The following TENM3 variants were observed in gnomAD, a reference collection of about 807,000 sequenced individuals.
TENM3 encodes teneurin-3.
In TENM3, 63 loss-of-function variants were observed where a neutral mutation model predicts 255.1. The ratio of observed to expected loss-of-function variants is 0.25; its 90% CI spans 0.20 to 0.30. The LOEUF is 0.30. Among genes scored for constraint, TENM3 ranks in the 10% least tolerant of loss-of-function variants. TENM3 has a pLI of 1.00. For synonymous variants in TENM3, 1,306 were observed against 1,322.3 expected (o/e 0.99, Z 0.27); for missense variants, 2,929 against 3,461.1 (o/e 0.85, Z 3.86).
the TENM3 span, among the ~76,000 whole-genome samples, chr4:182,054,430 A>C: frequency 2.0e-5 from 3 of 152,198 alleles, no homozygotes; most frequent in African/African-American, 7.2e-5. Context: ...ATAGTTACCA[A>C]GTGTGACGTA....
the TENM3 span, among the ~76,000 whole-genome samples, chr4:181,934,351 TG>T: frequency 6.6e-6 from 1 of 152,218 alleles, no homozygotes; most frequent in Non-Finnish European, 1.5e-5. Flanking sequence ...TGCTCAGCAA[TG>T]GGTTTCATTT....
At chr4:182,794,229 G>A (rs1053441398) in intron 26 of TENM3, among the ~76,000 whole-genome samples, 1 of 152,166 alleles carries the variant, frequency 6.6e-6, no homozygotes, top group African/African-American at 2.4e-5. Flanking sequence ...CCCACAAGTT[G>A]TGTAGCTCTG....
At chr4:182,368,751 A>G (rs1284949028) in intron 3 of TENM3, among the ~76,000 whole-genome samples, 1 of 152,178 alleles carries the variant, frequency 6.6e-6, no homozygotes, top group Non-Finnish European at 1.5e-5. Flanking sequence ...GCCCACGTAT[A>G]TACCCACGAG....
intron 22 of TENM3, among the ~76,000 whole-genome samples, chr4:182,772,770 A>AC (rs946438724): frequency 6.6e-6 from 1 of 152,166 alleles, no homozygotes; most frequent in African/African-American, 2.4e-5. Flanking sequence ...GTAAAAAAAA[A>AC]ACAAATAATC....
At chr4:182,196,616 T>G (rs1205436490) in intron 1 of TENM3, among the ~76,000 whole-genome samples, 1 of 152,114 alleles carries the variant, frequency 6.6e-6, no homozygotes, top group Non-Finnish European at 1.5e-5. Flanking sequence ...AGCCCTCGGG[T>G]GTAGTAATGT....
chr4:181,964,437 C>T, the TENM3 span, among the ~76,000 whole-genome samples: 14 of 152,138 alleles, frequency 9.2e-5, no homozygotes, highest in Admixed American at 8.5e-4. Context: ...CATACACGTT[C>T]TGTTTGAAGA....
At chr4:182,029,940 T>A in the TENM3 span, among the ~76,000 whole-genome samples, 3 of 147,190 alleles carry the variant, frequency 2.0e-5, no homozygotes, top group Non-Finnish European at 4.4e-5. Flanking sequence ...TTAACATGTT[T>A]CACATATAAC....
At chr4:182,746,414 G>A (rs1204662877) in intron 19 of TENM3, among the ~76,000 whole-genome samples, 1 of 152,194 alleles carries the variant, frequency 6.6e-6, no homozygotes, top group East Asian at 1.9e-4. Flanking sequence ...AGTTACTGGA[G>A]ACTGGGGGAG....
chr4:182,350,530 G>C (rs771213622), intron 3 of TENM3, among the ~76,000 whole-genome samples: 9 of 152,344 alleles, frequency 5.9e-5, no homozygotes, highest in Non-Finnish European at 1.2e-4. Context: ...GTTCTGGAGA[G>C]ACGGTGATTT....
chr4:182,159,069 C>A (rs901253541), intron 1 of TENM3, among the ~76,000 whole-genome samples: 2 of 152,184 alleles, frequency 1.3e-5, no homozygotes, highest in African/African-American at 4.8e-5. Context: ...TCGTCTCTGA[C>A]CCTTATTTCT....
the TENM3 span, among the ~76,000 whole-genome samples, chr4:181,646,090 C>T: frequency 1.4e-4 from 21 of 152,332 alleles, no homozygotes; most frequent in South Asian, 3.9e-3. Context: ...GCCCTGAACA[C>T]AGTGTACCCC....
At chr4:181,562,678 A>ATTTTT in the TENM3 span, among the ~76,000 whole-genome samples, 1,527 of 143,218 alleles carry the variant, frequency 0.011, 30 homozygotes, top group African/African-American at 0.036. Context: ...ATTCTTCTTA[A>ATTTTT]TTTTTTTTTT....
At chr4:181,949,735 G>C in the TENM3 span, among the ~76,000 whole-genome samples, 875 of 152,128 alleles carry the variant, frequency 5.8e-3, 5 homozygotes, top group African/African-American at 0.02. Flanking sequence ...ATCACAATGG[G>C]CCTGCCCTCA....
At chr4:182,217,320 C>T (rs1024169759) in intron 1 of TENM3, among the ~76,000 whole-genome samples, 3 of 152,092 alleles carry the variant, frequency 2.0e-5, no homozygotes, top group African/African-American at 7.2e-5. Context: ...CGCACCTGGC[C>T]TAAATTTCAC....
chr4:181,920,238 G>T, the TENM3 span, among the ~76,000 whole-genome samples: 2 of 151,836 alleles, frequency 1.3e-5, no homozygotes, highest in African/African-American at 4.8e-5. Flanking sequence ...TAGTCCTTTG[G>T]GTATATACCC....
chr4:181,965,681 G>A, the TENM3 span, among the ~76,000 whole-genome samples: 1 of 152,178 alleles, frequency 6.6e-6, no homozygotes, highest in East Asian at 1.9e-4. Context: ...GTTTGTTTAA[G>A]TCAGGCTCCA....
intron 3 of TENM3, among the ~76,000 whole-genome samples, chr4:182,587,502 C>G (rs906201199): frequency 2.0e-5 from 3 of 152,090 alleles, no homozygotes; most frequent in Admixed American, 2.0e-4. Flanking sequence ...TTGCTTGAAC[C>G]CGGGAGACAG....
At chr4:182,537,450 T>C (rs1251430603) in intron 3 of TENM3, among the ~76,000 whole-genome samples, 3 of 152,234 alleles carry the variant, frequency 2.0e-5, no homozygotes, top group African/African-American at 7.2e-5. Context: ...CTACTTTATC[T>C]TTCTGTTTCG....
At chr4:181,514,572 G>A in the TENM3 span, among the ~76,000 whole-genome samples, 4 of 152,180 alleles carry the variant, frequency 2.6e-5, no homozygotes, top group Admixed American at 2.6e-4. Flanking sequence ...ATATTTGTAA[G>A]AGTACTATAG....
Sources: allele counts gnomAD v4.1 joint callset (sites outside exome capture counted in the v4.1 genomes callset), GRCh38; gene constraint gnomAD v4.1.1; transcripts MANE v1.5; gene names NCBI Gene and HGNC (gene_info 2026-07-23, HGNC 2026-07-21).